PODXL: variants seen among roughly 807,000 people sequenced by gnomAD.
PODXL encodes the protein podocalyxin.
PODXL carries 20 observed loss-of-function variants against 48.9 expected under a neutral mutation model. That is an observed-to-expected ratio of 0.41 (90% CI 0.29 to 0.59). The LOEUF (loss-of-function observed/expected upper bound fraction) is 0.59, where lower values mean the gene tolerates loss of function less well. Ranked by LOEUF, PODXL falls within the 20% of genes least tolerant of loss-of-function variation. PODXL has a pLI of 0.31. For synonymous variants in PODXL, 295 were observed against 287.4 expected (o/e 1.03, Z -0.27); for missense variants, 606 against 675.1 (o/e 0.90, Z 1.13).
At chr7:131,556,155 C>A (rs1562921914) in intron 1 of PODXL, 105 bp downstream of exon 1, 2 of 1,324,762 alleles carry the variant, frequency 1.5e-6, no homozygotes. Flanking sequence ...GATAGGGCTG[C>A]TCGGGGTCGG....
intron 1 of PODXL, among the ~76,000 whole-genome samples, chr7:131,513,232 A>G (rs1797943988): frequency 6.6e-6 from 1 of 152,196 alleles, no homozygotes; most frequent in South Asian, 2.1e-4. Context: ...TTAGGAGGCA[A>G]TCACAGTAAT....
intron 1 of PODXL, among the ~76,000 whole-genome samples, chr7:131,521,613 G>A (rs1278555691): frequency 6.6e-6 from 1 of 152,146 alleles, no homozygotes; most frequent in East Asian, 1.9e-4. Context: ...GATTACAGAC[G>A]TGAGCCACCA....
intron 1 of PODXL, among the ~76,000 whole-genome samples, chr7:131,549,166 G>A (rs1303064283): frequency 6.6e-6 from 1 of 152,126 alleles, no homozygotes; most frequent in Non-Finnish European, 1.5e-5. Flanking sequence ...GGGGGGGAGG[G>A]GTTTCTAAGC....
At chr7:131,508,755 G>GCT (rs1193111342) in intron 5 of PODXL, among the ~76,000 whole-genome samples, 196 bp downstream of exon 5, 1 of 152,080 alleles carries the variant, frequency 6.6e-6, no homozygotes, top group Non-Finnish European at 1.5e-5. Flanking sequence ...CTGACTTAGA[G>GCT]AAGTCTTAAA....
intron 1 of PODXL, among the ~76,000 whole-genome samples, chr7:131,529,334 GGGA>G (rs1196772583): frequency 2.0e-5 from 3 of 152,128 alleles, no homozygotes; most frequent in African/African-American, 7.2e-5. Flanking sequence ...GGGGGACAGT[GGGA>G]GGAGAAGACA....
chr7:131,507,416 G>A (rs1281145016), intron 5 of PODXL, among the ~76,000 whole-genome samples: 1 of 152,210 alleles, frequency 6.6e-6, no homozygotes, highest in African/African-American at 2.4e-5. Flanking sequence ...TAGAGCTGAG[G>A]ATGAGGGGAG....
At chr7:131,505,743 C>T (rs1376713897) in intron 8 of PODXL, 125 bp downstream of exon 8, 29 of 911,338 alleles carry the variant, frequency 3.2e-5, no homozygotes, top group Non-Finnish European at 4.5e-5. Flanking sequence ...CAGGGGTGGC[C>T]TCTGCCTGTT....
chr7:131,529,834 C>T (rs756684872), intron 1 of PODXL, among the ~76,000 whole-genome samples: 13 of 152,094 alleles, frequency 8.5e-5, no homozygotes, highest in South Asian at 4.2e-4. Context: ...GGGGTGTGTA[C>T]GCACTCTCCT....
At chr7:131,524,164 C>A (rs919774826) in intron 1 of PODXL, among the ~76,000 whole-genome samples, 2 of 139,424 alleles carry the variant, frequency 1.4e-5, no homozygotes, top group Non-Finnish European at 3.0e-5. Context: ...TTCAGCAAAC[C>A]AGGAATAGTA....
Position 131,503,293 on chromosome 7 carries a change from G to A in PODXL, c.*1018C>T, listed in dbSNP as rs998023846. On this transcript the variant is annotated 3_prime_UTR_variant, in exon 9 of 9. Transcript: ENST00000378555. Reference sequence around the variant, plus strand: ...CTGCAGCCACTGCTCTTTCATACTGGGTCTCAGGGAATCACTCCCATCAGC... The same window carrying A: ...CTGCAGCCACTGCTCTTTCATACTGAGTCTCAGGGAATCACTCCCATCAGC... 6.6e-6 allele frequency: 1 copy of A among 152,558 alleles called. No homozygotes were observed. Among genetic ancestry groups the A allele is most frequent in the African/African-American group, 2.4e-5 (1 of 41,436 alleles). The allele number at this position is 152,558 out of a possible 1,614,324, so 9.5% of individuals were successfully genotyped here.
At chr7:131,545,657 A>C (rs1051819542) in intron 1 of PODXL, among the ~76,000 whole-genome samples, 1 of 152,244 alleles carries the variant, frequency 6.6e-6, no homozygotes. Flanking sequence ...GCTGAAAAGG[A>C]AATGGTCCCA....
Position 131,534,385 on chromosome 7 carries a change from G to A in PODXL, c.100+21875C>T, listed in dbSNP as rs192298457. On this transcript the variant is annotated intron_variant, in intron 1 of 8. Transcript: ENST00000378555. ...TCAGAGATGGAGGGAGGGGCTTTCCGGCTGTCAGCCTCAAGTTCTACCCTG... is the reference window on the plus strand; with the variant it reads ...TCAGAGATGGAGGGAGGGGCTTTCCAGCTGTCAGCCTCAAGTTCTACCCTG... Among the ~76,000 whole-genome samples, 1,065 of 152,322 alleles carry A rather than the reference G, an allele frequency of 7.0e-3. 6 individuals are homozygous for A. The highest frequency in any genetic ancestry group is 0.011 in the Non-Finnish European group (730 of 68,018).
At chr7:131,506,100 G>A in intron 7 of PODXL, 65 bp from the exon 8 acceptor site, 1 of 1,572,168 alleles carries the variant, frequency 6.4e-7, no homozygotes. Flanking sequence ...CGGCTTCACT[G>A]TAGAGCCCCT....
At chr7:131,512,790 C>T (rs1797935962) in intron 1 of PODXL, among the ~76,000 whole-genome samples, 1 of 151,928 alleles carries the variant, frequency 6.6e-6, no homozygotes, top group African/African-American at 2.4e-5. Context: ...CCAGTCTGGC[C>T]AATATAGAGA....
intron 5 of PODXL, 24 bp downstream of exon 5, chr7:131,508,927 G>T (rs751529433): frequency 6.4e-7 from 1 of 1,556,826 alleles, no homozygotes. Flanking sequence ...TGCACCTGGC[G>T]GCTCAGATCA....
At chr7:131,515,175 T>C (rs1356816732) in intron 1 of PODXL, among the ~76,000 whole-genome samples, 1 of 152,162 alleles carries the variant, frequency 6.6e-6, no homozygotes, top group African/African-American at 2.4e-5. Flanking sequence ...TAAAAACTAC[T>C]GGTTTCAAGA....
chr7:131,506,383 A>G, intron 6 of PODXL, 62 bp from the exon 7 acceptor site: 1 of 1,555,772 alleles, frequency 6.4e-7, no homozygotes, highest in South Asian at 1.1e-5. Context: ...GGGGACGGGG[A>G]CTGCGCCCCA....
intron 6 of PODXL, 94 bp from the exon 7 acceptor site, chr7:131,506,415 C>T: frequency 2.7e-6 from 4 of 1,476,790 alleles, no homozygotes; most frequent in South Asian, 1.1e-5. Flanking sequence ...CACCGTATCT[C>T]AGTCTCCTGA....
rs1454650690 is a variant in PODXL, at chr7:131,517,040, AAAT to A, written c.101-5610_101-5608del. On this transcript the variant is annotated intron_variant, in intron 1 of 8. Transcript: ENST00000378555. ...TGGCTTTTTTTCTTAGTGGTTCATAAAATAATAGTGCATCCTATAATTGATAGT... is the reference window on the plus strand; with the variant it reads ...TGGCTTTTTTTCTTAGTGGTTCATAAAATAGTGCATCCTATAATTGATAGT... Among the ~76,000 whole-genome samples the A allele has an allele frequency of 1.1e-4, 17 of 152,192 alleles. No individual in the cohort carries two copies. In the East Asian group the frequency reaches 2.9e-3, roughly 26 times the overall value.
Sources: allele counts gnomAD v4.1 joint callset (sites outside exome capture counted in the v4.1 genomes callset), GRCh38; gene constraint gnomAD v4.1.1; transcripts MANE v1.5; gene names NCBI Gene and HGNC (gene_info 2026-07-23, HGNC 2026-07-21).